The following CELSR1 variants were observed in gnomAD, a reference collection of about 807,000 sequenced individuals.
CELSR1 encodes adhesion G protein-coupled receptor C1.
A neutral mutation model predicts 249.1 loss-of-function variants in CELSR1; 110 were observed. That is an observed-to-expected ratio of 0.44 (90% CI 0.38 to 0.52). The LOEUF (loss-of-function observed/expected upper bound fraction) is 0.52. Ranked by LOEUF, CELSR1 falls within the 20% of genes least tolerant of loss-of-function variation. The probability of loss-of-function intolerance (pLI) is 0.00; values close to 1 mark genes in which losing one functional copy is unlikely to be tolerated. For synonymous variants in CELSR1, 2,113 were observed against 1,900.0 expected, an observed-to-expected ratio of 1.11 and a Z score of -2.92; for missense variants, 4,109 against 4,296.4, an observed-to-expected ratio of 0.96 and a Z score of 1.22.
chr22:46,443,270 T>C (rs1435018211), intron 2 of CELSR1, among the ~76,000 whole-genome samples: 3 of 152,226 alleles, frequency 2.0e-5, no homozygotes, highest in Non-Finnish European at 4.4e-5. Flanking sequence ...GCACCAGAGC[T>C]GACGCCGGGT....
intron 1 of CELSR1, among the ~76,000 whole-genome samples, chr22:46,466,220 C>T (rs896510046): frequency 6.6e-5 from 10 of 152,204 alleles, no homozygotes; most frequent in East Asian, 1.9e-4. Flanking sequence ...TGGTGGGAGA[C>T]GGCCTCAGAG....
chr22:46,395,121 CAT>C lies in CELSR1; in HGVS notation c.5844-861_5844-860del, dbSNP rs1425495132. On this transcript the variant is annotated intron_variant, in intron 13 of 34. Transcript: ENST00000674500. The surrounding 1 kb of genome is among the most constrained non-coding windows in gnomAD (Gnocchi z 5.5). ...TTAAGGACTGTGTACAAATCAGGGT[CAT>C]AAAGACAACCAGGCCAGAGATAGAG... 6.6e-6 allele frequency among the ~76,000 whole-genome samples: 1 copy of C among 152,230 alleles called. No homozygotes were observed. Among genetic ancestry groups the C allele is most frequent in the Non-Finnish European group, 1.5e-5 (1 of 68,036 alleles).
At chr22:46,432,097 G>A (rs150634071) in intron 5 of CELSR1, among the ~76,000 whole-genome samples, 35 of 152,218 alleles carry the variant, frequency 2.3e-4, no homozygotes, top group African/African-American at 8.2e-4. Flanking sequence ...TGGCACTGAT[G>A]GGACAGAGGA....
intron 1 of CELSR1, among the ~76,000 whole-genome samples, chr22:46,489,971 G>A (rs62233279): frequency 0.12 from 18,015 of 151,568 alleles, 1,287 homozygotes; most frequent in East Asian, 0.17. Flanking sequence ...ATCCAGATGC[G>A]CTGCCCAGCC....
At position 46,439,423 on chromosome 22, in the gene CELSR1, G is replaced by C. The variant is rs369736883; in HGVS notation, c.4184-12C>G. The C allele has an allele frequency of 6.2e-7, 1 of 1,604,934 alleles. No homozygotes were observed. The highest frequency in any genetic ancestry group is 2.2e-5 in the East Asian group (1 of 44,462). ...CTCACAGTGCTCTCCTGGGGGGCGAGAGGAAGATGCCAGAGAGGAGGTTAC... is the reference window on the plus strand; with the variant it reads ...CTCACAGTGCTCTCCTGGGGGGCGACAGGAAGATGCCAGAGAGGAGGTTAC... On this transcript the variant is annotated splice_polypyrimidine_tract_variant and intron_variant, in intron 2 of 34. Transcript: ENST00000674500.
intron 2 of CELSR1, among the ~76,000 whole-genome samples, chr22:46,443,189 A>C (rs758812388): frequency 1.6e-4 from 24 of 152,210 alleles, no homozygotes; most frequent in Non-Finnish European, 2.5e-4. Context: ...AGGAGGGCTG[A>C]AATCGCTGAC....
In CELSR1 at chr22:46,535,637, G is replaced by C; in HGVS notation, c.1534C>G (p.Leu512Val). Reference sequence around the variant, plus strand: ...TTGATCACATCCAGGATCCCGCTCAGCGAGTGCAGGTAGAACTGGCCGGCC... The same window carrying C: ...TTGATCACATCCAGGATCCCGCTCACCGAGTGCAGGTAGAACTGGCCGGCC... ...NVAGQFYLHS[L>V]SGILDVINPL... The change falls in exon 1 of 35, where the codon CTG (leucine) becomes GTG (valine). Residue 512 changes from leucine to valine, a missense_variant. Around this residue, in one of 7 missense-constraint regions of CELSR1, gnomAD observed 135 missense variants for 190.0 expected, o/e 0.71. Coordinates refer to ENST00000674500, the MANE Select transcript of CELSR1 (RefSeq NM_001378328.1). The C allele has an allele frequency of 1.2e-6, 2 of 1,613,374 alleles. No homozygotes were observed. The highest frequency in any genetic ancestry group is 1.7e-6 in the Non-Finnish European group (2 of 1,180,038).
chr22:46,483,600 G>C (rs1212874381), intron 1 of CELSR1, among the ~76,000 whole-genome samples: 2 of 151,982 alleles, frequency 1.3e-5, no homozygotes, highest in Non-Finnish European at 2.9e-5. Flanking sequence ...CTGCCTCCTG[G>C]AGTCCCCTGA....
At position 46,527,998 on chromosome 22, in the gene CELSR1, G is replaced by A. The variant is rs1475890486; in HGVS notation, c.3544+5629C>T. 6.6e-6 allele frequency among the ~76,000 whole-genome samples: 1 copy of A among 151,790 alleles called. No individual in the cohort carries two copies. Among genetic ancestry groups the A allele is most frequent in the South Asian group, 2.1e-4 (1 of 4,814 alleles). ...TAATCCCAGCTACTTGGGAAGCTGA[G>A]GCAGCTGAGGCAGGAGAATCACTTG... On this transcript the variant is annotated intron_variant, in intron 1 of 34. Coordinates refer to ENST00000674500, the MANE Select transcript of CELSR1 (RefSeq NM_001378328.1). The surrounding 1 kb of genome is among the most constrained non-coding windows in gnomAD (Gnocchi z 5.5).
Position 46,407,605 on chromosome 22 carries a change from C to T in CELSR1, c.5226+1391G>A, listed in dbSNP as rs886469127. Among the ~76,000 whole-genome samples the T allele has an allele frequency of 1.2e-4, 18 of 152,068 alleles. No individual in the cohort carries two copies. Among genetic ancestry groups the T allele is most frequent in the Admixed American group, 9.8e-4 (15 of 15,260 alleles). On this transcript the variant is annotated intron_variant, in intron 9 of 34. Transcript: ENST00000674500. This position sits in a 1 kb window ranked among gnomAD's most constrained non-coding sequence, Gnocchi z 4.8. Reference sequence around the variant, plus strand: ...TGAGGTTACGCCGTCGCACTCCAGCCTGGGCAACAAGAGCAAAACTTTATC... The same window carrying T: ...TGAGGTTACGCCGTCGCACTCCAGCTTGGGCAACAAGAGCAAAACTTTATC...
At chr22:46,487,554 AGTGCAG>A (rs2080325036) in intron 1 of CELSR1, among the ~76,000 whole-genome samples, 1 of 11,714 alleles carries the variant, frequency 8.5e-5, no homozygotes, top group Non-Finnish European at 1.5e-4. Flanking sequence ...TCCACGGTGC[AGTGCAG>A]GTGGGGGGTG....
rs544302683 is a variant in CELSR1 at position 46,365,569 on chromosome 22, C to A, written c.8404+17G>T. 18 of 1,576,034 alleles carry A rather than the reference C, an allele frequency of 1.1e-5. No homozygotes were observed. Among genetic ancestry groups the A allele is most frequent in the Non-Finnish European group, 1.2e-5 (14 of 1,160,662 alleles). On this transcript the variant is annotated intron_variant, in intron 31 of 34. Coordinates refer to ENST00000674500, the MANE Select transcript of CELSR1 (RefSeq NM_001378328.1). ...AAAAACAACCCACGGGGTCCTCCCC[C>A]TCCAGGGAAGCCATACCAGGGGGAT...
chr22:46,439,438 G>A, intron 2 of CELSR1, 27 bp from the exon 3 acceptor site: 1 of 1,584,896 alleles, frequency 6.3e-7, no homozygotes, highest in Non-Finnish European at 8.6e-7. Flanking sequence ...AGATGCCAGA[G>A]AGGAGGTTAC....
chr22:46,470,340 G>T (rs2080143645), intron 1 of CELSR1, among the ~76,000 whole-genome samples: 1 of 151,788 alleles, frequency 6.6e-6, no homozygotes, highest in Admixed American at 6.6e-5. Flanking sequence ...AGAAGCCCAG[G>T]CCTTCTTGGG....
Position 46,463,891 on chromosome 22 carries a change from G to A in CELSR1, c.3999C>T (p.Ser1333=). 6.2e-7 allele frequency: 1 copy of A among 1,613,380 alleles called. No individual in the cohort carries two copies. The highest frequency in any genetic ancestry group is 8.5e-7 in the Non-Finnish European group (1 of 1,179,606). ...GGATGGGCCGGAAGAGCACGGTGGT[G>A]GAGCTGAGGAAGGGCGCGGAGCTGT... ...RFDSSAPFLS[S]TTVLFRPIHP... The change falls in exon 2 of 35, where the codon TCC becomes TCT. Residue 1333 remains serine (S), a synonymous_variant. Coordinates refer to ENST00000674500, the MANE Select transcript of CELSR1 (RefSeq NM_001378328.1).
chr22:46,498,898 G>A (rs1417275355), intron 1 of CELSR1, among the ~76,000 whole-genome samples: 1 of 151,906 alleles, frequency 6.6e-6, no homozygotes, highest in East Asian at 1.9e-4. Flanking sequence ...TAAAACATGG[G>A]GCCGGGCTCG....
rs900103561 is a variant in CELSR1 at position 46,367,766 on chromosome 22, C to T, written c.8042G>A (p.Ser2681Asn). The T allele has an allele frequency of 3.7e-6, 6 of 1,609,304 alleles. No individual in the cohort carries two copies. The highest frequency in any genetic ancestry group is 4.2e-6 in the Non-Finnish European group (5 of 1,178,728). The change falls in exon 28 of 35, where the codon AGC becomes AAC. Residue 2681 changes from serine (S) to asparagine (N), a missense_variant. Transcript: ENST00000674500. ...GLLAVNRDAL[S>N]FHYLFAIFSG... ...GAAGATGGCGAAGAGGTAGTGAAAG[C>T]TCAGTGCATCGCGGTTCACAGCCAG...
intron 9 of CELSR1, among the ~76,000 whole-genome samples, chr22:46,404,267 CT>C (rs1348844925): frequency 6.6e-6 from 1 of 151,900 alleles, no homozygotes; most frequent in African/African-American, 2.4e-5. Context: ...CAAAAATTAG[CT>C]GGGCGTGGTG....
chr22:46,405,223 G>A (rs2079252169), intron 9 of CELSR1, among the ~76,000 whole-genome samples: 1 of 151,104 alleles, frequency 6.6e-6, no homozygotes, highest in Non-Finnish European at 1.5e-5. Flanking sequence ...CACTTTGGGA[G>A]GCTGAGGCGG....
Sources: gnomAD v4.1 joint callset for allele counts (sites outside exome capture counted in the v4.1 genomes callset) on GRCh38, gnomAD v4.1.1 for gene constraint, gnomAD v4.1.1 regional missense constraint, Gnocchi (gnomAD v3.1) non-coding constraint, MANE v1.5 for transcripts, NCBI Gene and HGNC (gene_info 2026-07-23, HGNC 2026-07-21) for gene names.